The following MCM3AP variants were observed in gnomAD, a reference collection of about 807,000 sequenced individuals.
The protein encoded by MCM3AP is minichromosome maintenance complex component 3 associated protein.
MCM3AP carries 126 observed loss-of-function variants against 184.1 expected under a neutral mutation model. The observed-to-expected ratio is 0.68, with a 90% CI of 0.59 to 0.79. The LOEUF is 0.79. MCM3AP is among the 30% of genes least tolerant of loss of function. MCM3AP has a pLI of 0.00. For missense variants in MCM3AP, 2,496 were observed against 2,479.2 expected (o/e 1.01, Z -0.14); for synonymous variants, 1,002 against 979.3 (o/e 1.02, Z -0.43).
rs751480917 is a variant in MCM3AP, at chr21:46,284,346, G to A, written c.941C>T (p.Pro314Leu). 2.4e-5 allele frequency: 38 copies of A among 1,614,210 alleles called. No homozygotes were observed. Among genetic ancestry groups the A allele is most frequent in the Non-Finnish European group, 3.2e-5 (38 of 1,180,032 alleles). ...TGGAGGATGATCGCCCCGGGACAGA[G>A]GATCCGAATCTTCTGCTGGCTCGTG... ...HGHEPAEDSD[P>L]LSRGDHPPDK... The change falls in exon 1 of 28, where the codon CCT (proline) becomes CTT (leucine). Residue 314 changes from proline (P) to leucine (L), a missense_variant. By Grantham distance (98) the Pro-to-Leu change is moderately conservative. This residue lies in a region of MCM3AP where 800 missense variants were observed against 717.1 expected (regional missense o/e 1.12). Transcript: ENST00000291688.
At chr21:46,266,204 A>G in intron 10 of MCM3AP, 38 bp from the exon 11 acceptor site, 1 of 1,563,924 alleles carries the variant, frequency 6.4e-7, no homozygotes, top group East Asian at 2.3e-5. Flanking sequence ...GGGTGTCACC[A>G]GGGGAGAAGA....
chr21:46,265,382 A>C lies in MCM3AP; in HGVS notation c.3173T>G (p.Phe1058Cys). 1 of 1,614,024 alleles carries C rather than the reference A, an allele frequency of 6.2e-7. No homozygotes were observed. Among genetic ancestry groups the C allele is most frequent in the Non-Finnish European group, 8.5e-7 (1 of 1,180,004 alleles). ...TGGTTCAGGCTGCACAGACAGCTGG[A>C]AGAGGCTGGGCGCCACAGACGGGGT... is the stretch of plus-strand genomic sequence containing the variant. Reference protein sequence around the residue: ...ALTPSVAPSLFQLSVQPEPPP... With the variant: ...ALTPSVAPSLCQLSVQPEPPP... Residue 1058 changes from phenylalanine (F) to cysteine (C), a missense_variant, in exon 12 of 28, where the codon TTC becomes TGC. Physicochemically the swap from Phe to Cys is radical, Grantham distance 205. Transcript: ENST00000291688.
chr21:46,253,660 C>A (rs534671831), intron 19 of MCM3AP: 2 of 150,386 alleles, frequency 1.3e-5, no homozygotes, highest in African/African-American at 4.9e-5. Context: ...TGAGCTCTCA[C>A]GAGATGTGGT....
chr21:46,281,743 G>A (rs1316361197), intron 2 of MCM3AP, among the ~76,000 whole-genome samples: 1 of 151,868 alleles, frequency 6.6e-6, no homozygotes, highest in African/African-American at 2.4e-5. Context: ...GCTCACGCCT[G>A]TAATCCCAGC....
chr21:46,241,916 G>A (rs1259938118), intron 25 of MCM3AP: 1 of 152,188 alleles, frequency 6.6e-6, no homozygotes, highest in African/African-American at 2.4e-5. Context: ...TGGAGTTGGA[G>A]AAGGTACTTC....
chr21:46,264,241 G>A (rs1299915461), intron 12 of MCM3AP, 24 bp from the exon 13 acceptor site: 8 of 1,456,076 alleles, frequency 5.5e-6, no homozygotes, highest in Admixed American at 5.1e-5. Context: ...AGCATGGGGT[G>A]TAATGGAACG....
intron 23 of MCM3AP, 50 bp downstream of exon 23, chr21:46,244,757 T>G (rs1248865541): frequency 6.5e-7 from 1 of 1,549,222 alleles, no homozygotes; most frequent in African/African-American, 1.4e-5. Flanking sequence ...GAAGGAAGCC[T>G]GAGACTTGGC....
Position 46,235,161 on chromosome 21 carries a change from T to A in MCM3AP, c.*107A>T. 1.6e-6 allele frequency: 2 copies of A among 1,238,108 alleles called. No individual in the cohort carries two copies. Among genetic ancestry groups the A allele is most frequent in the Non-Finnish European group, 2.3e-6 (2 of 882,128 alleles). The allele number at this position is 1,238,108 out of a possible 1,614,324, so 76.7% of individuals were successfully genotyped here. A position where few individuals can be genotyped will look rare whatever the true frequency, so the allele number is the denominator to read the frequency against. ...CATTTAAATGGTTTATCTGCATGAT[T>A]AAATTAATCACATTTCCAACAGTGC... On this transcript the variant is annotated 3_prime_UTR_variant, in exon 28 of 28. Transcript: ENST00000291688.
At chr21:46,246,279 C>A in intron 22 of MCM3AP, 28 bp downstream of exon 22, 1 of 1,379,780 alleles carries the variant, frequency 7.2e-7, no homozygotes, top group Non-Finnish European at 1.0e-6. Flanking sequence ...AATATCTTGA[C>A]AGACCATTAA....
rs759149277 is a variant in MCM3AP, at chr21:46,285,190, A to C, written c.97T>G (p.Phe33Val). The change falls in exon 1 of 28, where the codon TTT (phenylalanine) becomes GTT (valine). Residue 33 changes from phenylalanine (F) to valine (V), a missense_variant. This residue lies in a region of MCM3AP where 800 missense variants were observed against 717.1 expected (regional missense o/e 1.12). Coordinates refer to ENST00000291688, the MANE Select transcript of MCM3AP (RefSeq NM_003906.5). ...GTLPSKPPFR[F>V]GQPSLFGQNS... Reference sequence around the variant, plus strand: ...TGTCCAAAAAGAGAAGGTTGACCAAATCGAAATGGCGGCTTAGATGGAAGT... The same window carrying C: ...TGTCCAAAAAGAGAAGGTTGACCAACTCGAAATGGCGGCTTAGATGGAAGT... 6.2e-7 allele frequency: 1 copy of C among 1,614,270 alleles called. No individual in the cohort carries two copies. Among genetic ancestry groups the C allele is most frequent in the Admixed American group, 1.7e-5 (1 of 60,028 alleles).
At chr21:46,241,090 TA>T in intron 25 of MCM3AP, 73 bp from the exon 26 acceptor site, 1 of 1,118,480 alleles carries the variant, frequency 8.9e-7, no homozygotes, top group South Asian at 1.3e-5. Context: ...AGCATGTAGA[TA>T]CATTTGCACA....
intron 17 of MCM3AP, 65 bp downstream of exon 17, chr21:46,256,724 C>T (rs1024551441): frequency 7.9e-6 from 12 of 1,512,752 alleles, no homozygotes; most frequent in South Asian, 3.7e-5. Context: ...ACATTAATTC[C>T]GCTCCTGGTA....
chr21:46,259,169 G>C (rs1347986305), intron 15 of MCM3AP, 78 bp from the exon 16 acceptor site: 3 of 1,465,356 alleles, frequency 2.0e-6, no homozygotes, highest in African/African-American at 2.8e-5. Flanking sequence ...AAAAGTGCAA[G>C]AGTCAGTCAG....
intron 7 of MCM3AP, among the ~76,000 whole-genome samples, chr21:46,273,096 G>A (rs545563403): frequency 2.0e-5 from 3 of 151,818 alleles, no homozygotes; most frequent in East Asian, 1.9e-4. Context: ...TGCTTCAGCC[G>A]CTCGAGTAGC....
In MCM3AP at chr21:46,260,913, G is replaced by A. The variant is rs763285337; in HGVS notation, c.3468-7C>T. ...CTCTCTCTCTTGTTTCAACCTACAG[G>A]GAAGAGAAAAAATACACAAGGGTAA... On this transcript the variant is annotated splice_region_variant and splice_polypyrimidine_tract_variant and intron_variant, in intron 14 of 27. Coordinates refer to ENST00000291688, the MANE Select transcript of MCM3AP (RefSeq NM_003906.5). 3.1e-6 allele frequency: 5 copies of A among 1,591,178 alleles called. No homozygotes were observed. The South Asian group carries it at 4.4e-5, about 14-fold the overall frequency.
At chr21:46,283,977 A>AT in intron 1 of MCM3AP, 91 bp downstream of exon 1, 1 of 1,544,114 alleles carries the variant, frequency 6.5e-7, no homozygotes, top group Non-Finnish European at 8.7e-7. Flanking sequence ...TTTATGGGAG[A>AT]TTTATCTGAA....
intron 2 of MCM3AP, among the ~76,000 whole-genome samples, chr21:46,282,808 A>AAAAT (rs775007759): frequency 2.0e-5 from 3 of 152,120 alleles, no homozygotes; most frequent in Non-Finnish European, 2.9e-5. Flanking sequence ...CCATCTCAAA[A>AAAAT]AAATAAATAA....
In MCM3AP at chr21:46,276,459, G is replaced by A. The variant is rs139463162; in HGVS notation, c.1858+1068C>T. 9.9e-3 allele frequency among the ~76,000 whole-genome samples: 1,497 copies of A among 150,780 alleles called. 28 individuals carry two copies. Among genetic ancestry groups the A allele is most frequent in the African/African-American group, 0.035 (1,447 of 41,164 alleles). On this transcript the variant is annotated intron_variant, in intron 5 of 27. Coordinates refer to ENST00000291688, the MANE Select transcript of MCM3AP (RefSeq NM_003906.5). ...TATAGCTGATTTTTTTTTTCTTTTT[G>A]AGATGGAGTTTCGCTCTTGCTGCCC... is the stretch of plus-strand genomic sequence containing the variant.
intron 4 of MCM3AP, 99 bp from the exon 5 acceptor site, chr21:46,277,816 T>A: frequency 1.5e-6 from 1 of 662,468 alleles, no homozygotes; most frequent in Admixed American, 3.4e-5. Flanking sequence ...GATTTTCTGG[T>A]CCTCTAAAGC....
Sources: allele counts gnomAD v4.1 joint callset (sites outside exome capture counted in the v4.1 genomes callset), GRCh38; gene constraint gnomAD v4.1.1; regional missense constraint gnomAD v4.1.1; transcripts MANE v1.5; gene names NCBI Gene and HGNC (gene_info 2026-07-23, HGNC 2026-07-21).